NALF1: variants seen among roughly 807,000 people sequenced by gnomAD.
The protein encoded by NALF1 is NALCN channel auxiliary factor 1, also known as family with sequence similarity 155 member A.
Under a neutral mutation model 48.4 loss-of-function variants are expected in NALF1, and 3 were observed. That is an observed-to-expected ratio of 0.06 (90% CI 0.03 to 0.16). NALF1 has a LOEUF of 0.16. Ranked by LOEUF, NALF1 falls within the 10% of genes least tolerant of loss-of-function variation. NALF1 has a pLI of 1.00. For synonymous variants in NALF1, 262 were observed against 245.7 expected (o/e 1.07, Z -0.62); for missense variants, 526 against 571.5 (o/e 0.92, Z 0.81).
chr13:107,849,932 T>C (rs16971285), intron 1 of NALF1, among the ~76,000 whole-genome samples: 11,024 of 152,312 alleles, frequency 0.072, 474 homozygotes, highest in East Asian at 0.18. Context: ...TATTCATGTG[T>C]TGCTAGAAAT....
intron 1 of NALF1, among the ~76,000 whole-genome samples, chr13:107,524,264 T>C (rs1029821230): frequency 2.0e-5 from 3 of 152,058 alleles, no homozygotes; most frequent in African/African-American, 7.2e-5. Context: ...GTTGAAGATG[T>C]TGGAAAAGTC....
chr13:107,184,982 A>G lies in NALF1; in HGVS notation c.1088-14196T>C, dbSNP rs77457283. On this transcript the variant is annotated intron_variant, in intron 2 of 2. Transcript: ENST00000375915. Reference sequence around the variant, plus strand: ...ATTAGGGGTTCCTTAATCCAGTAAGACATATGTCCTAATAAAAAAGAAAAG... The same window carrying G: ...ATTAGGGGTTCCTTAATCCAGTAAGGCATATGTCCTAATAAAAAAGAAAAG... Among the ~76,000 whole-genome samples the G allele has an allele frequency of 6.8e-4, 103 of 152,310 alleles. 1 individual carries two copies. In the East Asian group the frequency reaches 0.017, roughly 25 times the overall value.
intron 1 of NALF1, chr13:107,835,321 C>A (rs1879857993): frequency 6.6e-6 from 1 of 152,136 alleles, no homozygotes; most frequent in African/African-American, 2.4e-5. Context: ...TCCCCTTCCC[C>A]AAATGGTGGA....
At chr13:107,314,893 C>T (rs1046550541) in intron 1 of NALF1, among the ~76,000 whole-genome samples, 5 of 152,078 alleles carry the variant, frequency 3.3e-5, no homozygotes, top group Non-Finnish European at 7.4e-5. Flanking sequence ...GGAATCCAAG[C>T]CATAAAGTTG....
chr13:107,273,099 G>A (rs544549795), intron 1 of NALF1, among the ~76,000 whole-genome samples: 10 of 152,308 alleles, frequency 6.6e-5, no homozygotes, highest in African/African-American at 1.2e-4. Flanking sequence ...TAGGAAGAAC[G>A]TTCTGAGCTT....
intron 1 of NALF1, among the ~76,000 whole-genome samples, chr13:107,637,311 T>C (rs1880006169): frequency 6.6e-6 from 1 of 152,166 alleles, no homozygotes; most frequent in Non-Finnish European, 1.5e-5. Context: ...TGGGGAATTT[T>C]ATTCATGATG....
chr13:107,704,572 A>AAT (rs1489658363), intron 1 of NALF1, among the ~76,000 whole-genome samples: 2 of 151,938 alleles, frequency 1.3e-5, no homozygotes, highest in Non-Finnish European at 2.9e-5. Flanking sequence ...GTTTATTTTG[A>AAT]GCCAGTTTTA....
At chr13:107,529,069 C>T (rs542486692) in intron 1 of NALF1, among the ~76,000 whole-genome samples, 9 of 152,110 alleles carry the variant, frequency 5.9e-5, no homozygotes, top group African/African-American at 9.7e-5. Context: ...TGTTTTCCCA[C>T]GGCACCCTGA....
At chr13:107,256,639 T>G (rs1217515250) in intron 1 of NALF1, among the ~76,000 whole-genome samples, 2 of 152,160 alleles carry the variant, frequency 1.3e-5, no homozygotes, top group Non-Finnish European at 2.9e-5. Context: ...TGCTTCATTT[T>G]CTTCTTACTT....
chr13:107,381,414 T>C (rs1423214422), intron 1 of NALF1, among the ~76,000 whole-genome samples: 3 of 151,958 alleles, frequency 2.0e-5, no homozygotes, highest in African/African-American at 4.8e-5. Flanking sequence ...CCCAGGCTGG[T>C]CTTGAACTCC....
At chr13:107,559,709 A>G (rs547945636) in intron 1 of NALF1, among the ~76,000 whole-genome samples, 1 of 152,304 alleles carries the variant, frequency 6.6e-6, no homozygotes, top group East Asian at 1.9e-4. Context: ...AACCTTTGCA[A>G]CAACAGCAAA....
intron 1 of NALF1, among the ~76,000 whole-genome samples, chr13:107,469,289 T>A (rs1885058188): frequency 1.3e-5 from 2 of 152,218 alleles, no homozygotes; most frequent in South Asian, 4.1e-4. Context: ...TTTTATCATT[T>A]ACAGATGATA....
chr13:107,777,155 C>T (rs1300662079), intron 1 of NALF1, among the ~76,000 whole-genome samples: 2 of 152,040 alleles, frequency 1.3e-5, no homozygotes, highest in Non-Finnish European at 2.9e-5. Flanking sequence ...GCAATTTTCC[C>T]GAAACTTCAC....
intron 1 of NALF1, among the ~76,000 whole-genome samples, chr13:107,815,670 A>G (rs1879142422): frequency 6.6e-6 from 1 of 152,192 alleles, no homozygotes; most frequent in Non-Finnish European, 1.5e-5. Flanking sequence ...ATATGTTCAC[A>G]CAAAAACCTG....
chr13:107,695,404 T>C (rs1253625159), intron 1 of NALF1, among the ~76,000 whole-genome samples: 2 of 152,224 alleles, frequency 1.3e-5, no homozygotes, highest in East Asian at 1.9e-4. Flanking sequence ...CGTAAGGTTA[T>C]AGTCACTGTG....
chr13:107,322,255 A>G (rs573754444), intron 1 of NALF1, among the ~76,000 whole-genome samples: 26 of 152,294 alleles, frequency 1.7e-4, no homozygotes, highest in African/African-American at 5.5e-4. Context: ...GCTCACCTAC[A>G]TGTAACGTGG....
chr13:107,648,891 G>T (rs1880379489), intron 1 of NALF1, among the ~76,000 whole-genome samples: 1 of 152,026 alleles, frequency 6.6e-6, no homozygotes, highest in Non-Finnish European at 1.5e-5. Flanking sequence ...GGTGTGTGGT[G>T]GTATCTCATT....
chr13:107,579,726 GGTTA>G (rs1198987311), intron 1 of NALF1, among the ~76,000 whole-genome samples: 10 of 151,338 alleles, frequency 6.6e-5, no homozygotes, highest in African/African-American at 2.2e-4. Context: ...ACAATGTGCA[GGTTA>G]GTTACATATG....
At chr13:107,358,934 T>TTTTGTTAGTTTTTGGTTTAAAAGCAGC (rs1883011482) in intron 1 of NALF1, among the ~76,000 whole-genome samples, 1 of 152,134 alleles carries the variant, frequency 6.6e-6, no homozygotes, top group Non-Finnish European at 1.5e-5. Context: ...TGCCACTGTT[T>TTTTGTTAGTTTTTGGTTTAAAAGCAGC]TTTGTTAGTT....
Sources: gnomAD v4.1 joint callset for allele counts (sites outside exome capture counted in the v4.1 genomes callset) on GRCh38, gnomAD v4.1.1 for gene constraint, MANE v1.5 for transcripts, NCBI Gene and HGNC (gene_info 2026-07-23, HGNC 2026-07-21) for gene names.